Variants in PTDSS1 observed in about 807,000 individuals in gnomAD.
The protein encoded by PTDSS1 is phosphatidylserine synthase 1, also known as PSS-1.
Under a neutral mutation model 70.5 loss-of-function variants are expected in PTDSS1, and 45 were observed. That is an observed-to-expected ratio of 0.64 (90% CI 0.50 to 0.82). The LOEUF is 0.82. PTDSS1 is among the 40% of genes least tolerant of loss of function. The pLI is 0.00. For synonymous variants in PTDSS1, 188 were observed against 203.8 expected (o/e 0.92, Z 0.66); for missense variants, 417 against 586.1 (o/e 0.71, Z 2.98).
rs1374866830 is a variant in PTDSS1, at chr8:96,334,838, T to G, written c.*1272T>G. The G allele has an allele frequency of 6.6e-6, 1 of 152,246 alleles. No individual in the cohort carries two copies. Among genetic ancestry groups the G allele is most frequent in the Non-Finnish European group, 1.5e-5 (1 of 68,036 alleles). 9.4% of individuals were successfully genotyped at this position (152,246 alleles called of 1,614,324 possible). A position where few individuals can be genotyped will look rare whatever the true frequency, so the allele number is the denominator to read the frequency against. Reference sequence around the variant, plus strand: ...CTCTAACAAGAGGCCAGTACCCAGTTGATTAGCTTACAGATATCAACTCAC... The same window carrying G: ...CTCTAACAAGAGGCCAGTACCCAGTGGATTAGCTTACAGATATCAACTCAC... On this transcript the variant is annotated 3_prime_UTR_variant, in exon 13 of 13. Transcript: ENST00000517309.
At chr8:96,316,064 T>A (rs1225428556) in intron 9 of PTDSS1, among the ~76,000 whole-genome samples, 1 of 152,118 alleles carries the variant, frequency 6.6e-6, no homozygotes, top group Admixed American at 6.5e-5. Flanking sequence ...AGGGTGCTGT[T>A]GATTGGAACT....
intron 9 of PTDSS1, among the ~76,000 whole-genome samples, chr8:96,312,860 A>G (rs1586203853): frequency 1.3e-5 from 2 of 151,882 alleles, no homozygotes; most frequent in South Asian, 2.1e-4. Flanking sequence ...CCCCAGCTCT[A>G]CCTCCCTGCC....
In PTDSS1 at chr8:96,267,206, A is replaced by T. The variant is rs1810499639; in HGVS notation, c.179+4987A>T. The stretch of plus-strand genomic sequence containing the variant: ...TTCAGTCTTAACTAATCCCAGAACG[A>T]GGACTAGTCCGGTCAGCCTGCACTG... On this transcript the variant is annotated intron_variant, in intron 1 of 12. Transcript: ENST00000517309. Among the ~76,000 whole-genome samples the T allele has an allele frequency of 1.3e-5, 2 of 152,238 alleles. 1 individual carries two copies. The highest frequency in any genetic ancestry group is 1.3e-4 in the Admixed American group (2 of 15,288).
chr8:96,304,267 C>T, intron 7 of PTDSS1, 86 bp downstream of exon 7: 2 of 1,408,910 alleles, frequency 1.4e-6, no homozygotes. Context: ...CATTAGTTTA[C>T]ATTGCTTTTC....
Position 96,262,312 on chromosome 8 carries a change from G to A in PTDSS1, c.179+93G>A, listed in dbSNP as rs2129972380. 7.0e-7 allele frequency: 1 copy of A among 1,435,156 alleles called. No individual in the cohort carries two copies. Among genetic ancestry groups the A allele is most frequent in the Non-Finnish European group, 9.4e-7 (1 of 1,062,788 alleles). The allele number at this position is 1,435,156 out of a possible 1,614,324, so 88.9% of individuals were successfully genotyped here. ...GGGAGGGGGGCCCGGCATGGCTCTG[G>A]GTGAGGAAGTGGGCTGGCTGCTCCA... On this transcript the variant is annotated intron_variant, in intron 1 of 12. Transcript: ENST00000517309. This position sits in a 1 kb window ranked among gnomAD's most constrained non-coding sequence, Gnocchi z 4.4.
intron 5 of PTDSS1, among the ~76,000 whole-genome samples, chr8:96,298,218 C>T (rs1811002957): frequency 6.6e-6 from 1 of 152,198 alleles, no homozygotes; most frequent in Admixed American, 6.5e-5. Context: ...TCACATGCAG[C>T]AGCTACTCTG....
intron 2 of PTDSS1, 23 bp downstream of exon 2, chr8:96,273,413 A>C: frequency 6.6e-7 from 1 of 1,526,548 alleles, no homozygotes; most frequent in African/African-American, 1.4e-5. Context: ...ATGCATTACC[A>C]CATTTCTCCT....
At position 96,335,375 on chromosome 8, in the gene PTDSS1, C is replaced by T. The variant is rs1251660046; in HGVS notation, c.*1809C>T. On this transcript the variant is annotated 3_prime_UTR_variant, in exon 13 of 13. Coordinates refer to ENST00000517309, the MANE Select transcript of PTDSS1 (RefSeq NM_014754.3). ...ATACTTGTGCCCATTGGAGAAGACA[C>T]CTGTCTCTTCTTTCTCACACCGGTG... 1 of 152,212 alleles carries T rather than the reference C, an allele frequency of 6.6e-6. No individual in the cohort carries two copies. The highest frequency in any genetic ancestry group is 1.5e-5 in the Non-Finnish European group (1 of 68,042). 9.4% of individuals were successfully genotyped at this position (152,212 alleles called of 1,614,324 possible).
intron 1 of PTDSS1, among the ~76,000 whole-genome samples, chr8:96,265,084 C>T (rs952860738): frequency 2.0e-5 from 3 of 152,122 alleles, no homozygotes; most frequent in South Asian, 2.1e-4. Flanking sequence ...CGGAAAGTAA[C>T]GACTTCTTAA....
chr8:96,279,556 C>T (rs528378982), intron 2 of PTDSS1, among the ~76,000 whole-genome samples: 34 of 151,914 alleles, frequency 2.2e-4, no homozygotes, highest in African/African-American at 6.8e-4. Flanking sequence ...TAGTGGCTCA[C>T]GCCTGTAATC....
chr8:96,314,659 C>T (rs895543665), intron 9 of PTDSS1, among the ~76,000 whole-genome samples: 1 of 152,176 alleles, frequency 6.6e-6, no homozygotes, highest in Non-Finnish European at 1.5e-5. Flanking sequence ...TGCAGTGGTG[C>T]CATCTCGGCT....
rs1433974987 is a variant in PTDSS1, at chr8:96,262,754, T to C, written c.179+535T>C. 6.6e-6 allele frequency among the ~76,000 whole-genome samples: 1 copy of C among 152,192 alleles called. No individual in the cohort carries two copies. The highest frequency in any genetic ancestry group is 1.5e-5 in the Non-Finnish European group (1 of 68,034). On this transcript the variant is annotated intron_variant, in intron 1 of 12. Coordinates refer to ENST00000517309, the MANE Select transcript of PTDSS1 (RefSeq NM_014754.3). The surrounding 1 kb of genome is among the most constrained non-coding windows in gnomAD (Gnocchi z 4.4). ...ATCCGTAACGCACAAAAAATGCACATGTGTGCTGCATACACGGTCTTTCCT... is the reference window on the plus strand; with the variant it reads ...ATCCGTAACGCACAAAAAATGCACACGTGTGCTGCATACACGGTCTTTCCT...
intron 10 of PTDSS1, among the ~76,000 whole-genome samples, chr8:96,327,113 G>GT (rs1811448928): frequency 6.6e-6 from 1 of 152,182 alleles, no homozygotes. Flanking sequence ...AGGTGGAAGT[G>GT]TCCTGTTTTA....
At chr8:96,276,978 G>GCACACACACACA (rs1157385221) in intron 2 of PTDSS1, among the ~76,000 whole-genome samples, 32 of 129,736 alleles carry the variant, frequency 2.5e-4, no homozygotes, top group African/African-American at 7.0e-4. Flanking sequence ...GCGCACGCGC[G>GCACACACACACA]CGCACACACA....
intron 9 of PTDSS1, among the ~76,000 whole-genome samples, chr8:96,315,562 T>C (rs1021932772): frequency 6.6e-6 from 1 of 152,174 alleles, no homozygotes; most frequent in Non-Finnish European, 1.5e-5. Flanking sequence ...GAAGAGCTCC[T>C]GACTCTGGGC....
rs867874266 is a variant in PTDSS1, at chr8:96,273,464, A to G, written c.271+74A>G. 3.5e-5 allele frequency: 38 copies of G among 1,090,378 alleles called. No individual in the cohort carries two copies. The South Asian group carries it at 5.0e-4, about 14-fold the overall frequency. The allele number at this position is 1,090,378 out of a possible 1,614,324, so 67.5% of individuals were successfully genotyped here. A position where few individuals can be genotyped will look rare whatever the true frequency, so the allele number is the denominator to read the frequency against. On this transcript the variant is annotated intron_variant, in intron 2 of 12. Coordinates refer to ENST00000517309, the MANE Select transcript of PTDSS1 (RefSeq NM_014754.3). The stretch of plus-strand genomic sequence containing the variant: ...GGTTTTTTTGAGATGTGAGTCATCT[A>G]GAAGATGAAGTAAAGAAATAATCTG...
chr8:96,313,782 C>T (rs906287957), intron 9 of PTDSS1, among the ~76,000 whole-genome samples: 1 of 152,178 alleles, frequency 6.6e-6, no homozygotes, highest in South Asian at 2.1e-4. Flanking sequence ...ACAATAAGTT[C>T]CCACCTCTGC....
rs1038925900 is a variant in PTDSS1 at position 96,335,152 on chromosome 8, A to G, written c.*1586A>G. On this transcript the variant is annotated 3_prime_UTR_variant, in exon 13 of 13. Coordinates refer to ENST00000517309, the MANE Select transcript of PTDSS1 (RefSeq NM_014754.3). ...GATGAGCCTCAGCTCCGAGCTCTCA[A>G]ATGTCCTCCAGCCAGCATCTGCCTG... 1.3e-5 allele frequency: 2 copies of G among 152,288 alleles called. No homozygotes were observed. The highest frequency in any genetic ancestry group is 1.9e-4 in the East Asian group (1 of 5,190). 9.4% of individuals were successfully genotyped at this position (152,288 alleles called of 1,614,324 possible).
intron 1 of PTDSS1, among the ~76,000 whole-genome samples, chr8:96,264,642 C>G (rs564346314): frequency 6.6e-6 from 1 of 152,072 alleles, no homozygotes; most frequent in Non-Finnish European, 1.5e-5. Flanking sequence ...TTTGTTTCAG[C>G]CTTTCATTTT....
Sources: allele counts gnomAD v4.1 joint callset (sites outside exome capture counted in the v4.1 genomes callset), GRCh38; gene constraint gnomAD v4.1.1; non-coding constraint Gnocchi (gnomAD v3.1); transcripts MANE v1.5; gene names NCBI Gene and HGNC (gene_info 2026-07-23, HGNC 2026-07-21).